The following ZNF529 variants were observed in gnomAD, a reference collection of about 807,000 sequenced individuals.
ZNF529 encodes the protein zinc finger protein 529.
Under a neutral mutation model 10.1 loss-of-function variants are expected in ZNF529, and 11 were observed. The ratio of observed to expected loss-of-function variants is 1.09; its 90% CI spans 0.69 to 1.81. ZNF529 has a LOEUF of 1.81. Among genes scored for constraint, ZNF529 ranks in the 40% most tolerant of loss-of-function variants. The pLI is 0.00. For synonymous variants in ZNF529, 204 were observed against 215.7 expected, an observed-to-expected ratio of 0.95 and a Z score of 0.47; for missense variants, 624 against 666.8, an observed-to-expected ratio of 0.94 and a Z score of 0.71.
At chr19:36,573,874 G>C (rs2036242286), upstream of ZNF529, among the ~76,000 whole-genome samples, 1 of 152,216 alleles carries the variant, frequency 6.6e-6, no homozygotes, top group African/African-American at 2.4e-5. Flanking sequence ...TGGCTTCTAA[G>C]TGTGGGGGCC....
chr19:36,550,808 A>G (rs532743947), intron 4 of ZNF529, among the ~76,000 whole-genome samples: 166 of 152,342 alleles, frequency 1.1e-3, no homozygotes, highest in African/African-American at 3.9e-3. Context: ...CATACACAAA[A>G]TGTTATTAAG....
At chr19:36,577,192 TCAAGCAACCGG>T (rs765063243), upstream of ZNF529, 4 of 453,458 alleles carry the variant, frequency 8.8e-6, no homozygotes, top group South Asian at 6.2e-5. Flanking sequence ...ACTCCTGAGC[TCAAGCAACCGG>T]CCCTCCTTGA....
chr19:36,556,113 G>C lies in ZNF529; in HGVS notation c.99C>G (p.Thr33=), dbSNP rs1415575439. 3.2e-5 allele frequency: 49 copies of C among 1,550,924 alleles called. No homozygotes were observed. The Admixed American group carries it at 3.3e-4, about 11-fold the overall frequency. ...EFPDQFFTVL[T]MDHELVTLRD... ...GAAGTAGTTAACTTACATGGTCCAT[G>C]GTTAGAACTGTAAAGAATTGGTCAG... is the stretch of plus-strand genomic sequence containing the variant. Residue 33 remains threonine (T), a synonymous_variant, in exon 3 of 5, where the codon ACC becomes ACG. Coordinates refer to ENST00000591340, the MANE Select transcript of ZNF529 (RefSeq NM_020951.5).
chr19:36,569,046 T>C (rs753698015), intron 2 of ZNF529, among the ~76,000 whole-genome samples: 7 of 152,164 alleles, frequency 4.6e-5, no homozygotes, highest in Non-Finnish European at 1.0e-4. Flanking sequence ...TTAAGGCATT[T>C]GAAAGCAGCT....
At chr19:36,588,648 C>T (rs886136611) in intron 2 of ZNF529, among the ~76,000 whole-genome samples, 3 of 152,048 alleles carry the variant, frequency 2.0e-5, no homozygotes, top group Non-Finnish European at 2.9e-5. Context: ...TTCAAAGGGG[C>T]CATGACAAAT....
intron 4 of ZNF529, among the ~76,000 whole-genome samples, chr19:36,549,312 C>T (rs575378014): frequency 2.0e-5 from 3 of 152,120 alleles, no homozygotes; most frequent in East Asian, 1.9e-4. Flanking sequence ...TTAAATTCCA[C>T]AAGGACAAAT....
At chr19:36,558,939 A>AC (rs1236517509) in intron 2 of ZNF529, among the ~76,000 whole-genome samples, 10 of 151,554 alleles carry the variant, frequency 6.6e-5, no homozygotes, top group Non-Finnish European at 1.5e-4. Context: ...TCAATAGCAA[A>AC]AAAAAAAATC....
chr19:36,588,784 C>A (rs578210715), intron 2 of ZNF529, among the ~76,000 whole-genome samples: 1 of 152,154 alleles, frequency 6.6e-6, no homozygotes, highest in Non-Finnish European at 1.5e-5. Flanking sequence ...GTGCCTCCAA[C>A]AATATGCCCC....
At chr19:36,578,992 C>T (rs183108398) in intron 2 of ZNF529, among the ~76,000 whole-genome samples, 3 of 151,690 alleles carry the variant, frequency 2.0e-5, no homozygotes. Flanking sequence ...GGATCACCTG[C>T]TGAGGTCAGG....
intron 1 of ZNF529, chr19:36,593,843 C>G (rs1417481997): frequency 6.6e-6 from 1 of 152,136 alleles, no homozygotes; most frequent in Non-Finnish European, 1.5e-5. Flanking sequence ...CCTCTCTTTG[C>G]AGAAGCACTG....
At position 36,590,183 on chromosome 19, in the gene ZNF529, A is replaced by G. The variant is rs140958416; in HGVS notation, c.-127-482T>C. Among the ~76,000 whole-genome samples, 985 of 152,248 alleles carry G rather than the reference A, an allele frequency of 6.5e-3. 4 individuals carry two copies. Among genetic ancestry groups the G allele is most frequent in the South Asian group, 0.021 (99 of 4,820 alleles). On this transcript the variant is annotated intron_variant, in intron 1 of 4. Coordinates refer to the ZNF529 transcript ENST00000585960. The stretch of plus-strand genomic sequence containing the variant: ...CAGGAGTTTCAGACCAGCCTAGGCA[A>G]CAGGGTGAAACCTCATATCTACAAA...
Position 36,547,820 on chromosome 19 carries a change from C to A in ZNF529, c.738G>T (p.Gln246His), listed in dbSNP as rs767447338. 4.4e-5 allele frequency: 71 copies of A among 1,609,404 alleles called. No homozygotes were observed. The highest frequency in any genetic ancestry group is 5.4e-5 in the Non-Finnish European group (64 of 1,178,002). ...CSFYKDFNVY[Q>H]KIHNEKFYKC... ...TATAGAACTTCTCATTATGAATTTT[C>A]TGGTATACATTAAAGTCTTTATAAA... is the stretch of plus-strand genomic sequence containing the variant. The change falls in exon 5 of 5, where the codon CAG becomes CAT. Residue 246 changes from glutamine (Q) to histidine (H), a missense_variant. Coordinates refer to ENST00000591340, the MANE Select transcript of ZNF529 (RefSeq NM_020951.5).
chr19:36,575,880 GCT>G (rs1051908170), upstream of ZNF529, among the ~76,000 whole-genome samples: 3 of 151,536 alleles, frequency 2.0e-5, 1 homozygote, highest in Non-Finnish European at 4.4e-5. Context: ...ATGGAGTCTC[GCT>G]CTGTCACCCA....
chr19:36,587,729 A>T (rs768073267), intron 2 of ZNF529, among the ~76,000 whole-genome samples: 1 of 152,200 alleles, frequency 6.6e-6, no homozygotes, highest in Non-Finnish European at 1.5e-5. Context: ...CCTTCAAAAC[A>T]TTATGGTAAG....
At position 36,547,980 on chromosome 19, in the gene ZNF529, T is replaced by C. The variant is rs1398503525; in HGVS notation, c.578A>G (p.His193Arg). Residue 193 changes from histidine (H) to arginine (R), a missense_variant, in exon 5 of 5, where the codon CAT becomes CGT. Transcript: ENST00000591340. ...DLEFDEYQKI[H>R]TGGKNYECNQ... ...ACATTCATAGTTTTTTCCACCAGTA[T>C]GTATTTTCTGATATTCATCAAACTC... is the stretch of plus-strand genomic sequence containing the variant. 12 of 1,613,370 alleles carry C rather than the reference T, an allele frequency of 7.4e-6. No homozygotes were observed. The highest frequency in any genetic ancestry group is 1.0e-5 in the Non-Finnish European group (12 of 1,179,760).
chr19:36,565,309 T>G (rs893267350), intron 2 of ZNF529, among the ~76,000 whole-genome samples: 3 of 152,006 alleles, frequency 2.0e-5, no homozygotes, highest in African/African-American at 7.3e-5. Flanking sequence ...AAACAAAAAC[T>G]GAGGGACCTC....
In ZNF529 at chr19:36,597,934, C is replaced by T. The variant is rs1031495723; in HGVS notation, c.-128+7192G>A. Among the ~76,000 whole-genome samples, 16 of 152,202 alleles carry T rather than the reference C, an allele frequency of 1.1e-4. 1 individual carries two copies. The highest frequency in any genetic ancestry group is 9.8e-4 in the Admixed American group (15 of 15,274). ...GACTGGATAAATTATCCAGATCCTA[C>T]ATTATTGCCTGAACAGGTAGATTTG... is the stretch of plus-strand genomic sequence containing the variant. On this transcript the variant is annotated intron_variant, in intron 1 of 4. Transcript: ENST00000585960.
At chr19:36,597,160 G>A (rs1371956374) in intron 1 of ZNF529, among the ~76,000 whole-genome samples, 1 of 152,116 alleles carries the variant, frequency 6.6e-6, no homozygotes, top group African/African-American at 2.4e-5. Context: ...ATGAGCAACT[G>A]TGCCCAGCCA....
At chr19:36,587,830 A>C (rs2036614785) in intron 2 of ZNF529, among the ~76,000 whole-genome samples, 1 of 152,148 alleles carries the variant, frequency 6.6e-6, no homozygotes, top group Non-Finnish European at 1.5e-5. Context: ...AAGCACATTA[A>C]CGGTTGCCTA....
Sources: allele counts gnomAD v4.1 joint callset (sites outside exome capture counted in the v4.1 genomes callset), GRCh38; gene constraint gnomAD v4.1.1; transcripts MANE v1.5; gene names NCBI Gene and HGNC (gene_info 2026-07-23, HGNC 2026-07-21).